Variants in TMEM132D observed in about 807,000 individuals in gnomAD.
The protein encoded by TMEM132D is transmembrane protein 132D, also known as mature OL transmembrane protein.
A neutral mutation model predicts 62.3 loss-of-function variants in TMEM132D; 21 were observed. That is an observed-to-expected ratio of 0.34 (90% CI 0.24 to 0.49). TMEM132D has a LOEUF of 0.49. Among genes scored for constraint, TMEM132D ranks in the 20% least tolerant of loss-of-function variants. The pLI is 0.99. For synonymous variants in TMEM132D, 621 were observed against 575.6 expected (o/e 1.08, Z -1.13); for missense variants, 1,346 against 1,402.8 (o/e 0.96, Z 0.65).
At chr12:129,172,166 C>T (rs569021906) in intron 5 of TMEM132D, among the ~76,000 whole-genome samples, 95 of 152,350 alleles carry the variant, frequency 6.2e-4, no homozygotes, top group African/African-American at 2.0e-3. Context: ...GTGAAGATGG[C>T]TTCTTTCCCT....
intron 4 of TMEM132D, among the ~76,000 whole-genome samples, chr12:129,296,670 G>T (rs1017031979): frequency 1.3e-5 from 2 of 152,210 alleles, no homozygotes; most frequent in African/African-American, 4.8e-5. Flanking sequence ...TGAAGTGCCA[G>T]TTTCTCCAGA....
At chr12:129,373,047 C>T (rs551507049) in intron 3 of TMEM132D, among the ~76,000 whole-genome samples, 36 of 152,096 alleles carry the variant, frequency 2.4e-4, no homozygotes, top group Middle Eastern at 3.4e-3. Context: ...TTAGAGAGAC[C>T]GACTTCCTGG....
At chr12:129,151,635 C>T (rs1242434465) in intron 5 of TMEM132D, among the ~76,000 whole-genome samples, 1 of 152,190 alleles carries the variant, frequency 6.6e-6, no homozygotes, top group Non-Finnish European at 1.5e-5. Flanking sequence ...CCCTCCATCT[C>T]CCCAAGGACT....
intron 5 of TMEM132D, among the ~76,000 whole-genome samples, chr12:129,097,947 T>C (rs568234313): frequency 1.3e-5 from 2 of 152,378 alleles, no homozygotes; most frequent in African/African-American, 4.8e-5. Context: ...CTTTCTTTCA[T>C]GGATTACACC....
intron 4 of TMEM132D, among the ~76,000 whole-genome samples, chr12:129,224,983 A>G (rs926995265): frequency 6.6e-6 from 1 of 152,226 alleles, no homozygotes; most frequent in Non-Finnish European, 1.5e-5. Flanking sequence ...GAGACATTAT[A>G]TAAAATAAAT....
At chr12:129,687,490 G>T (rs902820470) in intron 2 of TMEM132D, among the ~76,000 whole-genome samples, 3 of 150,980 alleles carry the variant, frequency 2.0e-5, no homozygotes, top group African/African-American at 7.3e-5. Context: ...TTGGTGGGAG[G>T]GTGAATGCAG....
intron 1 of TMEM132D, among the ~76,000 whole-genome samples, chr12:129,809,816 C>T (rs1872115096): frequency 6.6e-6 from 1 of 152,006 alleles, no homozygotes; most frequent in African/African-American, 2.4e-5. Context: ...GGTAAATAAA[C>T]ACAGATGCTC....
At chr12:129,640,175 G>T (rs1173571669) in intron 2 of TMEM132D, among the ~76,000 whole-genome samples, 1 of 152,110 alleles carries the variant, frequency 6.6e-6, no homozygotes, top group South Asian at 2.1e-4. Context: ...CTTGCTTCAG[G>T]GGCCTGCACC....
chr12:129,243,313 A>G (rs2135585556), intron 4 of TMEM132D, among the ~76,000 whole-genome samples: 1 of 152,264 alleles, frequency 6.6e-6, no homozygotes, highest in East Asian at 1.9e-4. Flanking sequence ...AGGATTTTTA[A>G]GTTTGTATCC....
chr12:129,213,976 T>C (rs1468943605), intron 4 of TMEM132D, among the ~76,000 whole-genome samples: 2 of 152,232 alleles, frequency 1.3e-5, no homozygotes, highest in African/African-American at 4.8e-5. Flanking sequence ...CACCTAAGAA[T>C]AGTTTCGTTG....
At chr12:129,608,994 G>A (rs1231837909) in intron 2 of TMEM132D, among the ~76,000 whole-genome samples, 3 of 150,610 alleles carry the variant, frequency 2.0e-5, no homozygotes, top group Admixed American at 2.0e-4. Flanking sequence ...AGGCTGGAGT[G>A]TAGTGGCGTG....
At chr12:129,817,212 C>A (rs1872371481) in intron 1 of TMEM132D, among the ~76,000 whole-genome samples, 1 of 152,192 alleles carries the variant, frequency 6.6e-6, no homozygotes, top group Non-Finnish European at 1.5e-5. Flanking sequence ...AGCATTCATG[C>A]ACTTAGTGTG....
At chr12:129,446,606 A>T (rs935178254) in intron 3 of TMEM132D, among the ~76,000 whole-genome samples, 1 of 152,206 alleles carries the variant, frequency 6.6e-6, no homozygotes, top group Non-Finnish European at 1.5e-5. Context: ...GCTCTTGAAG[A>T]TCTCAGTCCT....
At chr12:129,178,538 C>T (rs1877973462) in intron 5 of TMEM132D, among the ~76,000 whole-genome samples, 5 of 151,084 alleles carry the variant, frequency 3.3e-5, no homozygotes, top group Admixed American at 2.0e-4. Flanking sequence ...AGATCTCTGA[C>T]TCTTACAAAA....
At chr12:129,212,122 G>A (rs954317352) in intron 4 of TMEM132D, 1 of 152,182 alleles carries the variant, frequency 6.6e-6, no homozygotes, top group African/African-American at 2.4e-5. Flanking sequence ...TCTCACATTC[G>A]TGGTAAAAAC....
At chr12:129,475,988 G>A (rs767835464) in intron 3 of TMEM132D, among the ~76,000 whole-genome samples, 22 of 152,192 alleles carry the variant, frequency 1.4e-4, no homozygotes, top group East Asian at 1.9e-4. Flanking sequence ...TTATGCTCAC[G>A]TATTTGTAAG....
At chr12:129,370,864 T>C (rs549544344) in intron 3 of TMEM132D, among the ~76,000 whole-genome samples, 1 of 152,238 alleles carries the variant, frequency 6.6e-6, no homozygotes, top group East Asian at 1.9e-4. Context: ...AATAGTCACA[T>C]GGGGCTGGAA....
At chr12:129,768,826 G>A (rs2080070196) in intron 1 of TMEM132D, among the ~76,000 whole-genome samples, 1 of 152,190 alleles carries the variant, frequency 6.6e-6, no homozygotes, top group Non-Finnish European at 1.5e-5. Context: ...GCTATTTTTA[G>A]CCAAAAGCAT....
At chr12:129,727,864 GC>G (rs140720645) in intron 1 of TMEM132D, among the ~76,000 whole-genome samples, 2,586 of 152,046 alleles carry the variant, frequency 0.017, 105 homozygotes, top group East Asian at 0.13. Context: ...CTGAGCAAAA[GC>G]AAGGAAAAAA....
Sources: gnomAD v4.1 joint callset for allele counts (sites outside exome capture counted in the v4.1 genomes callset) on GRCh38, gnomAD v4.1.1 for gene constraint, MANE v1.5 for transcripts, NCBI Gene and HGNC (gene_info 2026-07-23, HGNC 2026-07-21) for gene names.